THNSL1: variants seen among roughly 807,000 people sequenced by gnomAD.
THNSL1 encodes threonine synthase like 1, also known as threonine synthase-like 1.
A neutral mutation model predicts 50.4 loss-of-function variants in THNSL1; 48 were observed. That is an observed-to-expected ratio of 0.95 (90% CI 0.76 to 1.21). The LOEUF is 1.21. THNSL1 is among the 50% of genes most tolerant of loss of function. The pLI is 0.00. For missense variants in THNSL1, 896 were observed against 871.7 expected (o/e 1.03, Z -0.35); for synonymous variants, 309 against 306.1 (o/e 1.01, Z -0.10).
At chr10:24,992,740 A>G in the THNSL1 span, among the ~76,000 whole-genome samples, 1 of 152,246 alleles carries the variant, frequency 6.6e-6, no homozygotes, top group African/African-American at 2.4e-5. Flanking sequence ...TTGTCATCAC[A>G]GTGTAACTTA....
At chr10:24,999,371 A>G in the THNSL1 span, 1 of 1,567,012 alleles carries the variant, frequency 6.4e-7, no homozygotes. Context: ...AATGCTTTTA[A>G]TATTAAAAAT....
chr10:25,008,790 TAA>T, the THNSL1 span, among the ~76,000 whole-genome samples: 3,531 of 152,290 alleles, frequency 0.023, 129 homozygotes, highest in African/African-American at 0.08. Context: ...CATGCTGCTA[TAA>T]AGACACATGC....
At chr10:24,987,481 A>G in the THNSL1 span, among the ~76,000 whole-genome samples, 1 of 151,936 alleles carries the variant, frequency 6.6e-6, no homozygotes, top group Non-Finnish European at 1.5e-5. Flanking sequence ...TAAAAATAAA[A>G]AAATGAAATA....
At chr10:24,966,775 C>T in the THNSL1 span, among the ~76,000 whole-genome samples, 447 of 152,254 alleles carry the variant, frequency 2.9e-3, 2 homozygotes, top group African/African-American at 0.011. Flanking sequence ...AATTACCTAA[C>T]CTCTCCATGC....
the THNSL1 span, among the ~76,000 whole-genome samples, chr10:24,966,260 A>G: frequency 1.3e-5 from 2 of 152,250 alleles, no homozygotes; most frequent in African/African-American, 4.8e-5. Flanking sequence ...CTTTATATTT[A>G]AAGAAGAAAA....
chr10:25,024,203 T>C lies in THNSL1; in HGVS notation c.980T>C (p.Ile327Thr), dbSNP rs1028725916. 1.9e-6 allele frequency: 3 copies of C among 1,614,172 alleles called. No individual in the cohort carries two copies. The highest frequency in any genetic ancestry group is 2.5e-6 in the Non-Finnish European group (3 of 1,180,026). The change falls in exon 3 of 3, where the codon ATT becomes ACT. Residue 327 changes from isoleucine (I) to threonine (T), a missense_variant. Coordinates refer to ENST00000376356, the MANE Select transcript of THNSL1 (RefSeq NM_024838.5). ...AYGENFACSK[I>T]APVRHLSGNQ... is the part of the protein sequence containing the mutation. ...GGGGAAAACTTTGCCTGCTCAAAAA[T>C]TGCTCCTGTCAGGCACCTTTCAGGC...
chr10:24,961,123 C>T, the THNSL1 span, among the ~76,000 whole-genome samples: 69 of 152,070 alleles, frequency 4.5e-4, no homozygotes, highest in Admixed American at 7.9e-4. Flanking sequence ...AATAGAAAAC[C>T]GTGTTATATT....
chr10:25,021,171 C>T (rs1166756284), intron 1 of THNSL1, among the ~76,000 whole-genome samples: 1 of 152,118 alleles, frequency 6.6e-6, no homozygotes. Context: ...TATTCCTAGC[C>T]CACTGTCAGT....
At chr10:24,973,960 G>A in the THNSL1 span, among the ~76,000 whole-genome samples, 7 of 152,078 alleles carry the variant, frequency 4.6e-5, no homozygotes, top group Admixed American at 2.0e-4. Flanking sequence ...CACCATTTTC[G>A]CCAGGCTGGA....
At chr10:24,970,745 C>T in the THNSL1 span, among the ~76,000 whole-genome samples, 3 of 147,042 alleles carry the variant, frequency 2.0e-5, no homozygotes, top group Admixed American at 6.8e-5. Context: ...AGTTTGGGGC[C>T]GGGCACGATG....
At chr10:24,967,798 GTATGATGTGTGTATATGTGCATGTA>G in the THNSL1 span, among the ~76,000 whole-genome samples, 1 of 151,848 alleles carries the variant, frequency 6.6e-6, no homozygotes, top group East Asian at 1.9e-4. Flanking sequence ...TATGATGTGT[GTATGATGTGTGTATATGTGCATGTA>G]TATGATGTGT....
chr10:24,993,707 C>A, the THNSL1 span, among the ~76,000 whole-genome samples: 26 of 152,314 alleles, frequency 1.7e-4, 1 homozygote, highest in African/African-American at 6.3e-4. Context: ...GTCAGCAACA[C>A]CAAAAGGGCA....
chr10:24,978,905 G>T, the THNSL1 span, among the ~76,000 whole-genome samples: 1 of 152,186 alleles, frequency 6.6e-6, no homozygotes, highest in Non-Finnish European at 1.5e-5. Flanking sequence ...TAAGGCTGAG[G>T]CTCACTAAGT....
chr10:25,011,755 G>A (rs1011690699), upstream of THNSL1, among the ~76,000 whole-genome samples: 10 of 152,220 alleles, frequency 6.6e-5, no homozygotes, highest in African/African-American at 2.4e-4. Flanking sequence ...TTAAAAGGAA[G>A]CAGAGCATAA....
the THNSL1 span, among the ~76,000 whole-genome samples, chr10:25,004,101 C>T: frequency 2.0e-5 from 3 of 152,256 alleles, no homozygotes; most frequent in East Asian, 1.9e-4. Flanking sequence ...GCAAAGAATA[C>T]GATCTCATTC....
rs1446736047 is a variant in THNSL1, at chr10:25,025,105, A to G, written c.1882A>G (p.Ile628Val). The G allele has an allele frequency of 3.7e-5, 59 of 1,614,202 alleles. No individual in the cohort carries two copies. The highest frequency in any genetic ancestry group is 4.8e-5 in the Non-Finnish European group (57 of 1,180,044). ...WCSEGECLAA[I>V]NSTYNTSGYI... is the part of the protein sequence containing the mutation. The stretch of plus-strand genomic sequence containing the variant: ...CTCTGAGGGAGAGTGCCTAGCAGCT[A>G]TTAACTCCACCTATAATACTTCAGG... The change falls in exon 3 of 3, where the codon ATT becomes GTT. Residue 628 changes from isoleucine to valine, a missense_variant. Physicochemically the swap from Ile to Val is conservative, Grantham distance 29. Coordinates refer to ENST00000376356, the MANE Select transcript of THNSL1 (RefSeq NM_024838.5).
At chr10:24,966,424 C>T in the THNSL1 span, among the ~76,000 whole-genome samples, 2 of 152,256 alleles carry the variant, frequency 1.3e-5, no homozygotes, top group South Asian at 2.1e-4. Flanking sequence ...AGTCCTTTCT[C>T]CCAGTGCTGT....
chr10:25,005,549 C>T, the THNSL1 span, among the ~76,000 whole-genome samples: 1 of 152,118 alleles, frequency 6.6e-6, no homozygotes, highest in Admixed American at 6.5e-5. Flanking sequence ...TGCAGCATTA[C>T]ACTATCGTGT....
At chr10:24,995,671 A>C in the THNSL1 span, 2 of 1,613,342 alleles carry the variant, frequency 1.2e-6, no homozygotes, top group Non-Finnish European at 1.7e-6. Flanking sequence ...CTTTGGAACT[A>C]GTCCTGAAGG....
Sources: gnomAD v4.1 joint callset for allele counts (sites outside exome capture counted in the v4.1 genomes callset) on GRCh38, gnomAD v4.1.1 for gene constraint, MANE v1.5 for transcripts, NCBI Gene and HGNC (gene_info 2026-07-23, HGNC 2026-07-21) for gene names.